RAD54B: variants seen among roughly 807,000 people sequenced by gnomAD.
RAD54B encodes RAD54 homolog B, also known as DNA repair and recombination protein RAD54B.
A neutral mutation model predicts 95.8 loss-of-function variants in RAD54B; 78 were observed. That is an observed-to-expected ratio of 0.81 (90% CI 0.68 to 0.98). The LOEUF is 0.98. RAD54B is among the 50% of genes least tolerant of loss of function. RAD54B has a pLI of 0.00. For missense variants in RAD54B, 957 were observed against 1,056.6 expected (o/e 0.91, Z 1.31); for synonymous variants, 328 against 354.9 (o/e 0.92, Z 0.85).
intron 8 of RAD54B, 148 bp from the exon 9 acceptor site, chr8:94,394,030 C>G: frequency 1.4e-6 from 1 of 699,740 alleles, no homozygotes; most frequent in Middle Eastern, 3.4e-4. Flanking sequence ...TAAGAAAGAG[C>G]AGTCAAAGCA....
chr8:94,414,983 C>T (rs1811623844), intron 3 of RAD54B, among the ~76,000 whole-genome samples: 1 of 152,116 alleles, frequency 6.6e-6, no homozygotes, highest in African/African-American at 2.4e-5. Context: ...ATCAAGCTAC[C>T]AATGTCTTTC....
intron 3 of RAD54B, among the ~76,000 whole-genome samples, chr8:94,421,165 G>A (rs1811799817): frequency 6.6e-6 from 1 of 152,044 alleles, no homozygotes; most frequent in Non-Finnish European, 1.5e-5. Context: ...CCCTGTTAAA[G>A]GTTACCAGGA....
At chr8:94,388,433 G>T (rs567068574) in intron 10 of RAD54B, among the ~76,000 whole-genome samples, 2 of 152,232 alleles carry the variant, frequency 1.3e-5, no homozygotes, top group African/African-American at 4.8e-5. Context: ...TACTGGTAAG[G>T]CTTCTGGTCA....
intron 3 of RAD54B, among the ~76,000 whole-genome samples, chr8:94,427,041 T>C (rs1015103567): frequency 1.3e-5 from 2 of 152,200 alleles, no homozygotes; most frequent in African/African-American, 4.8e-5. Flanking sequence ...GTGGTAGATA[T>C]ATGGATACTT....
At chr8:94,415,323 G>A (rs1018784042) in intron 3 of RAD54B, among the ~76,000 whole-genome samples, 1 of 143,520 alleles carries the variant, frequency 7.0e-6, no homozygotes, top group Non-Finnish European at 1.5e-5. Flanking sequence ...TATGTAGAAA[G>A]CTGAAACTGG....
chr8:94,459,883 G>A (rs1045222458), intron 2 of RAD54B, among the ~76,000 whole-genome samples: 6 of 150,898 alleles, frequency 4.0e-5, no homozygotes, highest in African/African-American at 1.5e-4. Context: ...ATTAGGCCGG[G>A]CGCAGTGGCT....
At chr8:94,464,053 G>T (rs1389247438) in intron 2 of RAD54B, among the ~76,000 whole-genome samples, 1 of 151,876 alleles carries the variant, frequency 6.6e-6, no homozygotes, top group Non-Finnish European at 1.5e-5. Context: ...TATATAAATT[G>T]TGGTATATTA....
intron 3 of RAD54B, among the ~76,000 whole-genome samples, chr8:94,436,103 TA>T (rs1812252516): frequency 6.6e-6 from 1 of 152,106 alleles, no homozygotes; most frequent in African/African-American, 2.4e-5. Context: ...TAACTTTATA[TA>T]AATTTTATAT....
Position 94,391,475 on chromosome 8 carries a change from C to G in RAD54B, c.1809+134G>C. The G allele has an allele frequency of 7.2e-6, 6 of 831,050 alleles. No homozygotes were observed. The South Asian group carries it at 1.3e-4, about 18-fold the overall frequency. 51.5% of individuals were successfully genotyped at this position (831,050 alleles called of 1,614,324 possible). On this transcript the variant is annotated intron_variant, in intron 10 of 14. Coordinates refer to ENST00000336148, the MANE Select transcript of RAD54B (RefSeq NM_012415.3). The stretch of plus-strand genomic sequence containing the variant: ...GGCTGGATAAGCTCTACAGCAGAAC[C>G]ATACTAGATAGCCAGCAGAGCTTTT...
rs530075793 is a variant in RAD54B, at chr8:94,409,989, A to G, written c.499+1132T>C. The stretch of plus-strand genomic sequence containing the variant: ...TTTTACTTCCCCAATCACTATACAC[A>G]GTTGTTCCATATTTTTATAATAAAT... On this transcript the variant is annotated intron_variant, in intron 4 of 14. Transcript: ENST00000336148. Among the ~76,000 whole-genome samples the G allele has an allele frequency of 2.6e-5, 4 of 152,318 alleles. No homozygotes were observed. The South Asian group carries it at 8.3e-4, about 32-fold the overall frequency.
At chr8:94,410,793 AAG>A (rs963022979) in intron 4 of RAD54B, among the ~76,000 whole-genome samples, 3 of 152,082 alleles carry the variant, frequency 2.0e-5, no homozygotes, top group Non-Finnish European at 2.9e-5. Flanking sequence ...CATTCTTAAA[AAG>A]AGAGAGAGAG....
intron 3 of RAD54B, chr8:94,431,514 C>T: frequency 1.0e-6 from 1 of 980,410 alleles, no homozygotes; most frequent in African/African-American, 1.7e-5. Flanking sequence ...GGAAATTACA[C>T]AAAGAAAAAC....
intron 14 of RAD54B, 152 bp from the exon 15 acceptor site, chr8:94,372,539 T>C (rs902903259): frequency 7.2e-7 from 1 of 1,380,708 alleles, no homozygotes; most frequent in Non-Finnish European, 9.5e-7. Flanking sequence ...TTTACAAACA[T>C]TTATAAGTTA....
At chr8:94,407,779 C>T (rs113709421) in intron 4 of RAD54B, 59 bp from the exon 5 acceptor site, 55 of 1,423,724 alleles carry the variant, frequency 3.9e-5, no homozygotes, top group African/African-American at 3.0e-4. Flanking sequence ...GTCACCTTCC[C>T]GTAACTGTAC....
At chr8:94,444,886 A>G (rs916820150) in intron 3 of RAD54B, among the ~76,000 whole-genome samples, 3 of 152,156 alleles carry the variant, frequency 2.0e-5, no homozygotes, top group Admixed American at 6.5e-5. Context: ...CACTCCTTTG[A>G]AATGTAATCA....
At chr8:94,388,356 T>C (rs943766887) in intron 10 of RAD54B, among the ~76,000 whole-genome samples, 2 of 152,224 alleles carry the variant, frequency 1.3e-5, no homozygotes, top group African/African-American at 4.8e-5. Context: ...CATTTTCTTT[T>C]TATAGCTTAC....
chr8:94,389,887 C>T (rs1192744599), intron 10 of RAD54B, among the ~76,000 whole-genome samples: 2 of 152,170 alleles, frequency 1.3e-5, no homozygotes, highest in Non-Finnish European at 2.9e-5. Flanking sequence ...CTCAGAGCCC[C>T]CTGCTGCTTT....
chr8:94,429,161 G>A, intron 3 of RAD54B: 1 of 953,300 alleles, frequency 1.0e-6, no homozygotes, highest in Non-Finnish European at 1.2e-6. Context: ...GTAAAAATAG[G>A]TTTCTTATTG....
At position 94,391,961 on chromosome 8, in the gene RAD54B, A is replaced by G. The variant is rs1454491513; in HGVS notation, c.1519-62T>C. 3 of 1,384,450 alleles carry G rather than the reference A, an allele frequency of 2.2e-6. No homozygotes were observed. In the East Asian group the frequency reaches 6.9e-5, roughly 32 times the overall value. The allele number at this position is 1,384,450 out of a possible 1,614,324, so 85.8% of individuals were successfully genotyped here. ...AGACAAAAATACACTTAAAATGAAC[A>G]TTAAAGATTTCATAATGATAAACCA... On this transcript the variant is annotated intron_variant, in intron 9 of 14. Transcript: ENST00000336148.
Sources: allele counts gnomAD v4.1 joint callset (sites outside exome capture counted in the v4.1 genomes callset), GRCh38; gene constraint gnomAD v4.1.1; transcripts MANE v1.5; gene names NCBI Gene and HGNC (gene_info 2026-07-23, HGNC 2026-07-21).